Variants in TAB2 observed in about 807,000 individuals in gnomAD.
TAB2 encodes TGF-beta-activated kinase 1 and MAP3K7-binding protein 2.
In TAB2, 3 loss-of-function variants were observed where a neutral mutation model predicts 65.0. The observed-to-expected ratio is 0.05, with a 90% CI of 0.02 to 0.12. The LOEUF (loss-of-function observed/expected upper bound fraction) is 0.12, where lower values mean the gene tolerates loss of function less well. TAB2 is among the 10% of genes least tolerant of loss of function. The pLI is 1.00. For missense variants in TAB2, 623 were observed against 840.3 expected (o/e 0.74, Z 3.20); for synonymous variants, 298 against 285.1 (o/e 1.05, Z -0.46).
chr6:149,273,784 G>A (rs1778405610), intron 1 of TAB2, among the ~76,000 whole-genome samples: 1 of 152,158 alleles, frequency 6.6e-6, no homozygotes, highest in Non-Finnish European at 1.5e-5. Context: ...AAAACAGAAG[G>A]GCAGAACACA....
At chr6:149,222,282 G>A (rs960531645) in intron 1 of TAB2, among the ~76,000 whole-genome samples, 2 of 152,016 alleles carry the variant, frequency 1.3e-5, no homozygotes, top group African/African-American at 2.4e-5. Context: ...GTGATTGTGG[G>A]ACTCTTCAGC....
At chr6:149,403,277 T>TAC (rs1562456359) in intron 6 of TAB2, among the ~76,000 whole-genome samples, 7 of 42,176 alleles carry the variant, frequency 1.7e-4, no homozygotes, top group Non-Finnish European at 2.4e-4. Context: ...TATATATATA[T>TAC]ATATATACAC....
intron 1 of TAB2, among the ~76,000 whole-genome samples, chr6:149,289,699 T>C (rs1381776266): frequency 6.6e-6 from 1 of 152,204 alleles, no homozygotes; most frequent in Non-Finnish European, 1.5e-5. Context: ...TTGAAAAGAT[T>C]TATTCTGAGC....
chr6:149,409,735 A>C lies in TAB2; in HGVS notation c.*16A>C, dbSNP rs753826967. 6.2e-7 allele frequency: 1 copy of C among 1,614,008 alleles called. No homozygotes were observed. Among genetic ancestry groups the C allele is most frequent in the Admixed American group, 1.7e-5 (1 of 60,028 alleles). ...GCATTTCTGAGCCAAATGGCCCTGT[A>C]TCTTCTCTAAAACCACATCTAAAGT... On this transcript the variant is annotated 3_prime_UTR_variant, in exon 7 of 7. Transcript: ENST00000637181.
intron 1 of TAB2, among the ~76,000 whole-genome samples, chr6:149,309,489 C>T (rs1267241484): frequency 1.3e-5 from 2 of 151,954 alleles, no homozygotes; most frequent in African/African-American, 2.4e-5. Flanking sequence ...CTCCACCTCC[C>T]AGGTTCACAC....
At chr6:149,370,912 C>T (rs1483624749) in intron 2 of TAB2, among the ~76,000 whole-genome samples, 1 of 151,020 alleles carries the variant, frequency 6.6e-6, no homozygotes, top group Admixed American at 6.6e-5. Context: ...CTGAAAATAC[C>T]AAAATTAGCC....
intron 1 of TAB2, among the ~76,000 whole-genome samples, chr6:149,348,240 T>TG (rs1780367212): frequency 6.6e-6 from 1 of 151,946 alleles, no homozygotes; most frequent in Non-Finnish European, 1.5e-5. Context: ...AATACAATAA[T>TG]TAGCCAGTTG....
chr6:149,257,450 T>C (rs994035505), intron 1 of TAB2: 1 of 152,040 alleles, frequency 6.6e-6, no homozygotes, highest in African/African-American at 2.4e-5. Context: ...CTAAGATCCA[T>C]GTTTCTTTAA....
intron 1 of TAB2, among the ~76,000 whole-genome samples, chr6:149,356,849 G>C (rs1022973006): frequency 2.0e-5 from 3 of 152,132 alleles, no homozygotes; most frequent in African/African-American, 7.2e-5. Context: ...TGTTTGGTTT[G>C]AAATGAATTC....
intron 1 of TAB2, among the ~76,000 whole-genome samples, chr6:149,236,287 T>G (rs746677167): frequency 6.6e-6 from 1 of 152,238 alleles, no homozygotes; most frequent in Admixed American, 6.5e-5. Context: ...CACCCTCATT[T>G]GAGGTATTCA....
intron 1 of TAB2, chr6:149,221,299 C>T (rs1460588683): frequency 1.3e-5 from 2 of 152,188 alleles, no homozygotes; most frequent in Non-Finnish European, 2.9e-5. Context: ...TTCCTAAGGG[C>T]ATTCTTAAGT....
chr6:149,224,197 G>A (rs1777218104), intron 1 of TAB2, among the ~76,000 whole-genome samples: 2 of 152,142 alleles, frequency 1.3e-5, no homozygotes, highest in Admixed American at 1.3e-4. Flanking sequence ...AGTCGGGAAG[G>A]GTGATAATGA....
chr6:149,286,474 T>C (rs946922163), intron 1 of TAB2, among the ~76,000 whole-genome samples: 1 of 152,218 alleles, frequency 6.6e-6, no homozygotes, highest in Non-Finnish European at 1.5e-5. Context: ...CCCATCATCT[T>C]TTGAAGCACT....
chr6:149,348,437 A>G (rs1780372942), intron 1 of TAB2, among the ~76,000 whole-genome samples: 1 of 148,090 alleles, frequency 6.8e-6, no homozygotes, highest in Non-Finnish European at 1.5e-5. Flanking sequence ...AGAAAGAAAG[A>G]AAAAAAAAAA....
At chr6:149,304,248 T>A (rs1347736101) in intron 1 of TAB2, 1 of 152,568 alleles carries the variant, frequency 6.6e-6, no homozygotes, top group Non-Finnish European at 1.5e-5. Flanking sequence ...TTATCTAAGG[T>A]TATGGTACTC....
chr6:149,366,408 C>T (rs1345757245), intron 1 of TAB2, among the ~76,000 whole-genome samples: 1 of 152,234 alleles, frequency 6.6e-6, no homozygotes, highest in East Asian at 1.9e-4. Flanking sequence ...GGCCTCCTCT[C>T]TGTGGTTCTC....
chr6:149,374,107 G>C (rs968305067), intron 2 of TAB2, among the ~76,000 whole-genome samples: 6 of 152,162 alleles, frequency 3.9e-5, no homozygotes, highest in African/African-American at 1.4e-4. Flanking sequence ...TTGTTACTCT[G>C]AAAACTAGTG....
At chr6:149,283,856 T>A (rs181581127) in intron 1 of TAB2, among the ~76,000 whole-genome samples, 32 of 152,296 alleles carry the variant, frequency 2.1e-4, no homozygotes, top group Middle Eastern at 3.4e-3. Context: ...TTAATTTTTT[T>A]AAAAACATTT....
At chr6:149,360,801 A>G (rs1424682788) in intron 1 of TAB2, among the ~76,000 whole-genome samples, 1 of 152,156 alleles carries the variant, frequency 6.6e-6, no homozygotes, top group African/African-American at 2.4e-5. Context: ...CAAGTTATTC[A>G]CTTTCAAGAT....
Sources: allele counts gnomAD v4.1 joint callset (sites outside exome capture counted in the v4.1 genomes callset), GRCh38; gene constraint gnomAD v4.1.1; transcripts MANE v1.5; gene names NCBI Gene and HGNC (gene_info 2026-07-23, HGNC 2026-07-21).